CUX2: variants seen among roughly 807,000 people sequenced by gnomAD.
CUX2 encodes the protein homeobox protein cut-like 2.
A neutral mutation model predicts 144.8 loss-of-function variants in CUX2; 40 were observed. The observed-to-expected ratio is 0.28, with a 90% CI of 0.21 to 0.36. CUX2 has a LOEUF of 0.36. Among genes scored for constraint, CUX2 ranks in the 10% least tolerant of loss-of-function variants. CUX2 has a pLI of 1.00. For missense variants in CUX2, 1,615 were observed against 1,994.0 expected (o/e 0.81, Z 3.62); for synonymous variants, 827 against 875.6 (o/e 0.94, Z 0.98).
rs936844109 is a variant in CUX2 at position 111,349,148 on chromosome 12, G to C, written c.*823G>C. On this transcript the variant is annotated 3_prime_UTR_variant, in exon 22 of 22. Coordinates refer to ENST00000261726, the MANE Select transcript of CUX2 (RefSeq NM_015267.4). The stretch of plus-strand genomic sequence containing the variant: ...CAGGTCTCACTAGTTAGAAACCTGT[G>C]GGCCATGGAGGTCAGACATCCATCT... 2.6e-5 allele frequency: 4 copies of C among 152,272 alleles called. No homozygotes were observed. The highest frequency in any genetic ancestry group is 9.7e-5 in the African/African-American group (4 of 41,406). The allele number at this position is 152,272 out of a possible 1,614,324, so 9.4% of individuals were successfully genotyped here.
In CUX2 at chr12:111,214,282, G is replaced by T; in HGVS notation, c.146G>T (p.Arg49Leu). The change falls in exon 2 of 22, where the codon CGC becomes CTC. Residue 49 changes from arginine (R) to leucine (L), a missense_variant. This residue lies in a region of CUX2 where 64 missense variants were observed against 64.9 expected (regional missense o/e 0.99). Transcript: ENST00000261726. Reference protein sequence around the residue: ...EHSHKHLIELRREFKKNVPEE... With the variant: ...EHSHKHLIELLREFKKNVPEE... ...TCTCATAAACATTTAATTGAACTCC[G>T]CCGGGAATTTAAGAAAAATGTACCT... 6.2e-7 allele frequency: 1 copy of T among 1,606,000 alleles called. No homozygotes were observed. The highest frequency in any genetic ancestry group is 8.5e-7 in the Non-Finnish European group (1 of 1,176,526).
At chr12:111,129,220 G>A (rs1183808977) in intron 1 of CUX2, among the ~76,000 whole-genome samples, 2 of 152,230 alleles carry the variant, frequency 1.3e-5, no homozygotes, top group East Asian at 3.8e-4. Flanking sequence ...GGATCATTGG[G>A]ATTTCTTGCT....
At position 111,320,391 on chromosome 12, in the gene CUX2, C is replaced by A. The variant is rs912015683; in HGVS notation, c.2382C>A (p.Gly794=). The change falls in exon 17 of 22, where the codon GGC becomes GGA. Residue 794 remains glycine (G), a synonymous_variant. Transcript: ENST00000261726. This position sits in a 1 kb window ranked among gnomAD's most constrained non-coding sequence, Gnocchi z 8.1. ...ACCACCACTGGGCCTCCGACCGCGGCCTGCTCAGCCGCCCCTACGCCTCCG... is the reference window on the plus strand; with the variant it reads ...ACCACCACTGGGCCTCCGACCGCGGACTGCTCAGCCGCCCCTACGCCTCCG... ...YFDHHWASDR[G]LLSRPYASVS... 6.3e-7 allele frequency: 1 copy of A among 1,597,878 alleles called. No homozygotes were observed. Among genetic ancestry groups the A allele is most frequent in the African/African-American group, 1.3e-5 (1 of 74,872 alleles).
chr12:111,344,302 A>G (rs1888703273), intron 21 of CUX2, among the ~76,000 whole-genome samples: 1 of 152,186 alleles, frequency 6.6e-6, no homozygotes, highest in Admixed American at 6.5e-5. Flanking sequence ...TCTTACAGTC[A>G]TAAAACAGAA....
intron 1 of CUX2, among the ~76,000 whole-genome samples, chr12:111,213,615 G>A (rs1881355011): frequency 6.6e-6 from 1 of 152,082 alleles, no homozygotes. Flanking sequence ...TACACAAAAG[G>A]TCAGCTTACT....
intron 1 of CUX2, among the ~76,000 whole-genome samples, chr12:111,211,567 A>G (rs1196113001): frequency 1.3e-5 from 2 of 152,200 alleles, no homozygotes; most frequent in Non-Finnish European, 2.9e-5. Context: ...GTGGGAAGGC[A>G]CCAGTGTCCC....
At chr12:111,315,438 C>T (rs901693716) in intron 16 of CUX2, among the ~76,000 whole-genome samples, 4 of 152,116 alleles carry the variant, frequency 2.6e-5, no homozygotes, top group Admixed American at 6.5e-5. Flanking sequence ...AAAATGGGGC[C>T]GGGCACAGTG....
intron 1 of CUX2, among the ~76,000 whole-genome samples, chr12:111,073,316 C>T (rs1358886924): frequency 6.6e-6 from 1 of 152,104 alleles, no homozygotes; most frequent in Non-Finnish European, 1.5e-5. Flanking sequence ...CAAGATTCAC[C>T]TGTGTTGTGC....
At position 111,334,631 on chromosome 12, in the gene CUX2, G is replaced by C. The variant is rs776601066; in HGVS notation, c.3117G>C (p.Glu1039Asp). ...GCCAGGCCCCAGGGGGCATCCAGGAGATCGTGGCCATGTCCCCCGAGCTGG... is the reference window on the plus strand; with the variant it reads ...GCCAGGCCCCAGGGGGCATCCAGGACATCGTGGCCATGTCCCCCGAGCTGG... The part of the protein sequence containing the change: ...SGSQAPGGIQ[E>D]IVAMSPELDT... The change falls in exon 19 of 22, where the codon GAG becomes GAC. Residue 1039 changes from glutamate (E) to aspartate (D), a missense_variant. By Grantham distance (45) the Glu-to-Asp change is conservative. Around this residue, in one of 12 missense-constraint regions of CUX2, gnomAD observed 128 missense variants for 124.4 expected, o/e 1.03. Coordinates refer to ENST00000261726, the MANE Select transcript of CUX2 (RefSeq NM_015267.4). The C allele has an allele frequency of 8.7e-6, 14 of 1,613,916 alleles. No individual in the cohort carries two copies. In the Admixed American group the frequency reaches 2.0e-4, roughly 23 times the overall value.
At chr12:111,091,519 A>G (rs1337414277) in intron 1 of CUX2, among the ~76,000 whole-genome samples, 1 of 152,162 alleles carries the variant, frequency 6.6e-6, no homozygotes, top group African/African-American at 2.4e-5. Context: ...GGCCCACTTC[A>G]GTTTTTCACC....
chr12:111,319,598 G>A (rs1202288473), intron 16 of CUX2, among the ~76,000 whole-genome samples: 5 of 152,212 alleles, frequency 3.3e-5, no homozygotes, highest in Admixed American at 3.3e-4. Context: ...TGGGCATGGT[G>A]GTGCACACCT....
At position 111,310,891 on chromosome 12, in the gene CUX2, C is replaced by T. The variant is rs1886866000; in HGVS notation, c.1900+209C>T. Among the ~76,000 whole-genome samples, 1 of 152,282 alleles carries T rather than the reference C, an allele frequency of 6.6e-6. No homozygotes were observed. Among genetic ancestry groups the T allele is most frequent in the Non-Finnish European group, 1.5e-5 (1 of 68,052 alleles). ...CATCCTCGCTCTCTCCTTCCTGGCC[C>T]TGGCCAGAGACAGTCTGCCCTTCCT... On this transcript the variant is annotated intron_variant, in intron 15 of 21. Coordinates refer to ENST00000261726, the MANE Select transcript of CUX2 (RefSeq NM_015267.4). The surrounding 1 kb of genome is among the most constrained non-coding windows in gnomAD (Gnocchi z 7.9).
chr12:111,306,412 C>G (rs933070795), intron 10 of CUX2, among the ~76,000 whole-genome samples: 1 of 151,774 alleles, frequency 6.6e-6, no homozygotes, highest in Non-Finnish European at 1.5e-5. Context: ...ACAGCAACCT[C>G]TCCATCTTCA....
At position 111,341,745 on chromosome 12, in the gene CUX2, C is replaced by T. The variant is rs1888586020; in HGVS notation, c.3386-35C>T. ...GCCAGGAACTTTTGGGATGGGGACACCACCTCTCAGCCCTCCCTCTCTTCC... is the reference window on the plus strand; with the variant it reads ...GCCAGGAACTTTTGGGATGGGGACATCACCTCTCAGCCCTCCCTCTCTTCC... On this transcript the variant is annotated intron_variant, in intron 20 of 21. Transcript: ENST00000261726. 3 of 1,538,428 alleles carry T rather than the reference C, an allele frequency of 2.0e-6. No individual in the cohort carries two copies. The East Asian group carries it at 6.8e-5, about 35-fold the overall frequency.
chr12:111,058,537 GAGAGAGAGAGAC>G (rs1224739694), intron 1 of CUX2, among the ~76,000 whole-genome samples: 2 of 151,858 alleles, frequency 1.3e-5, no homozygotes, highest in Non-Finnish European at 2.9e-5. Flanking sequence ...AAGAGACACA[GAGAGAGAGAGAC>G]AGAGAGAGAG....
intron 1 of CUX2, among the ~76,000 whole-genome samples, chr12:111,058,709 C>T (rs928824761): frequency 1.3e-5 from 2 of 152,054 alleles, no homozygotes; most frequent in African/African-American, 4.8e-5. Flanking sequence ...GGAAGGGGGT[C>T]CCGAGCGAGA....
chr12:111,049,713 C>T (rs1427843793), intron 1 of CUX2, among the ~76,000 whole-genome samples: 1 of 152,194 alleles, frequency 6.6e-6, no homozygotes, highest in Admixed American at 6.5e-5. Context: ...TTCAAGGAGA[C>T]ACCACAGGAA....
chr12:111,037,388 G>A lies in CUX2; in HGVS notation c.63+3148G>A, dbSNP rs1017302373. Among the ~76,000 whole-genome samples, 1 of 152,214 alleles carries A rather than the reference G, an allele frequency of 6.6e-6. No individual in the cohort carries two copies. Among genetic ancestry groups the A allele is most frequent in the Non-Finnish European group, 1.5e-5 (1 of 68,032 alleles). On this transcript the variant is annotated intron_variant, in intron 1 of 21. Transcript: ENST00000261726. The surrounding 1 kb of genome is among the most constrained non-coding windows in gnomAD (Gnocchi z 5.4). ...GCCCGGTGTCCAGCCCTCCGGAAAC[G>A]TATATTTTTCAAAAATGGAAGCGTT... is the stretch of plus-strand genomic sequence containing the variant.
intron 3 of CUX2, among the ~76,000 whole-genome samples, chr12:111,245,415 T>C (rs952896282): frequency 6.6e-6 from 1 of 152,022 alleles, no homozygotes; most frequent in African/African-American, 2.4e-5. Flanking sequence ...TTAATTTTTT[T>C]CCATTGTTTT....
Sources: gnomAD v4.1 joint callset for allele counts (sites outside exome capture counted in the v4.1 genomes callset) on GRCh38, gnomAD v4.1.1 for gene constraint, gnomAD v4.1.1 regional missense constraint, Gnocchi (gnomAD v3.1) non-coding constraint, MANE v1.5 for transcripts, NCBI Gene and HGNC (gene_info 2026-07-23, HGNC 2026-07-21) for gene names.